The following PTPRD variants were observed in gnomAD, a reference collection of about 807,000 sequenced individuals.
The protein encoded by PTPRD is receptor-type tyrosine-protein phosphatase delta.
PTPRD carries 34 observed loss-of-function variants against 214.5 expected under a neutral mutation model. The observed-to-expected ratio is 0.16, with a 90% confidence interval of 0.12 to 0.21. The LOEUF is 0.21. PTPRD is among the 10% of genes least tolerant of loss of function. The probability of loss-of-function intolerance (pLI) is 1.00; values close to 1 mark genes in which losing one functional copy is unlikely to be tolerated. For missense variants in PTPRD, 2,545 were observed against 2,398.7 expected, an observed-to-expected ratio of 1.06 and a Z score of -1.27; for synonymous variants, 1,128 against 845.7, an observed-to-expected ratio of 1.33 and a Z score of -5.79.
chr9:10,573,991 G>A (rs1411539707), intron 2 of PTPRD, among the ~76,000 whole-genome samples: 2 of 152,124 alleles, frequency 1.3e-5, no homozygotes, highest in Non-Finnish European at 2.9e-5. Context: ...GGATGGAAGT[G>A]GATAGGCATG....
chr9:8,934,802 G>A (rs752780191), intron 11 of PTPRD, among the ~76,000 whole-genome samples: 6 of 151,362 alleles, frequency 4.0e-5, no homozygotes, highest in South Asian at 2.1e-4. Context: ...AACCACCATC[G>A]TACTCTCTGC....
chr9:10,373,925 C>A (rs2097678982), intron 2 of PTPRD, among the ~76,000 whole-genome samples: 3 of 151,966 alleles, frequency 2.0e-5, no homozygotes, highest in Admixed American at 1.3e-4. Flanking sequence ...CATCATGTTC[C>A]TTTAGGTTGT....
intron 39 of PTPRD, among the ~76,000 whole-genome samples, chr9:8,360,210 C>A (rs930601381): frequency 6.6e-6 from 1 of 152,066 alleles, no homozygotes; most frequent in Non-Finnish European, 1.5e-5. Flanking sequence ...AATAAAGTAC[C>A]ATTGAATTAG....
At position 9,608,202 on chromosome 9, in the gene PTPRD, T is replaced by G. The variant is rs189140706; in HGVS notation, c.-286-33421A>C. 2.0e-5 allele frequency among the ~76,000 whole-genome samples: 3 copies of G among 152,308 alleles called. No individual in the cohort carries two copies. In the East Asian group the frequency reaches 5.8e-4, roughly 29 times the overall value. Reference sequence around the variant, plus strand: ...ACCTCATATGAGGTACACAATATAATTCCTGACATGGTGCTTTCAAGAGTC... The same window carrying G: ...ACCTCATATGAGGTACACAATATAAGTCCTGACATGGTGCTTTCAAGAGTC... On this transcript the variant is annotated intron_variant, in intron 7 of 45. Coordinates refer to ENST00000381196, the MANE Select transcript of PTPRD (RefSeq NM_002839.4).
chr9:9,017,387 C>G (rs1430157931), intron 11 of PTPRD, among the ~76,000 whole-genome samples: 1 of 152,080 alleles, frequency 6.6e-6, no homozygotes, highest in East Asian at 1.9e-4. Context: ...TTAATCTTTC[C>G]TTTGCCAGCA....
intron 11 of PTPRD, among the ~76,000 whole-genome samples, chr9:8,992,459 G>T (rs2099377321): frequency 6.6e-6 from 1 of 152,088 alleles, no homozygotes; most frequent in African/African-American, 2.4e-5. Context: ...CCAGCAGGAT[G>T]GTTGCTCAGA....
At chr9:9,223,931 T>G (rs1324549488) in intron 9 of PTPRD, among the ~76,000 whole-genome samples, 1 of 152,016 alleles carries the variant, frequency 6.6e-6, no homozygotes, top group East Asian at 1.9e-4. Flanking sequence ...AAATGAATAT[T>G]TTGAATTCAG....
intron 4 of PTPRD, among the ~76,000 whole-genome samples, chr9:10,006,282 C>G (rs2096474119): frequency 1.3e-5 from 2 of 152,094 alleles, no homozygotes; most frequent in South Asian, 4.1e-4. Flanking sequence ...TGATACAAGC[C>G]TTTGACAATG....
intron 12 of PTPRD, among the ~76,000 whole-genome samples, chr9:8,711,370 T>C (rs1003297171): frequency 6.6e-6 from 1 of 152,140 alleles, no homozygotes; most frequent in African/African-American, 2.4e-5. Flanking sequence ...ATTTCTATCA[T>C]GACTACTTAA....
At chr9:9,718,052 C>T (rs529526762) in intron 7 of PTPRD, among the ~76,000 whole-genome samples, 37 of 152,228 alleles carry the variant, frequency 2.4e-4, no homozygotes, top group African/African-American at 6.0e-4. Context: ...TGCTGTTAAA[C>T]GATGCTAACT....
At chr9:9,242,134 G>T (rs567603273) in intron 9 of PTPRD, among the ~76,000 whole-genome samples, 12 of 152,038 alleles carry the variant, frequency 7.9e-5, no homozygotes, top group African/African-American at 2.9e-4. Context: ...GAAATTCTGG[G>T]TTGAAAATTC....
At chr9:9,727,013 T>C (rs1025504546) in intron 7 of PTPRD, among the ~76,000 whole-genome samples, 4 of 152,188 alleles carry the variant, frequency 2.6e-5, no homozygotes, top group African/African-American at 4.8e-5. Context: ...ATAGTATTTA[T>C]ATTTTGGTGA....
chr9:10,387,167 T>C (rs896814810), intron 2 of PTPRD, among the ~76,000 whole-genome samples: 3 of 151,848 alleles, frequency 2.0e-5, no homozygotes, highest in Admixed American at 6.6e-5. Context: ...GCTCACCAAA[T>C]GTAAGGTAAT....
intron 39 of PTPRD, among the ~76,000 whole-genome samples, chr9:8,352,271 T>G (rs1489072949): frequency 6.6e-6 from 1 of 152,102 alleles, no homozygotes; most frequent in African/African-American, 2.4e-5. Flanking sequence ...CAGGTCTCAT[T>G]TTACAGATGG....
intron 12 of PTPRD, among the ~76,000 whole-genome samples, chr9:8,730,801 A>G (rs2154432277): frequency 6.6e-6 from 1 of 152,302 alleles, no homozygotes; most frequent in East Asian, 1.9e-4. Context: ...CTAAACCACA[A>G]AACTGGTTGG....
intron 2 of PTPRD, among the ~76,000 whole-genome samples, chr9:10,419,073 C>A (rs1587793853): frequency 1.3e-5 from 2 of 151,844 alleles, no homozygotes; most frequent in East Asian, 3.9e-4. Context: ...GTACTCTTAG[C>A]CCCACCTACA....
At chr9:10,110,567 A>G (rs1484161983) in intron 3 of PTPRD, among the ~76,000 whole-genome samples, 10 of 152,186 alleles carry the variant, frequency 6.6e-5, no homozygotes, top group Non-Finnish European at 1.3e-4. Context: ...AACATGAGAA[A>G]GTTTGGTTGC....
At chr9:8,462,142 T>C (rs1000262194) in intron 32 of PTPRD, among the ~76,000 whole-genome samples, 2 of 152,050 alleles carry the variant, frequency 1.3e-5, no homozygotes, top group Non-Finnish European at 2.9e-5. Context: ...ACATATATGT[T>C]CAAATTAGTA....
chr9:10,329,046 T>G (rs1565328598), intron 3 of PTPRD, among the ~76,000 whole-genome samples: 1 of 151,768 alleles, frequency 6.6e-6, no homozygotes, highest in Non-Finnish European at 1.5e-5. Context: ...TCACTACTAT[T>G]TTCCAAATAA....
Sources: gnomAD v4.1 joint callset for allele counts (sites outside exome capture counted in the v4.1 genomes callset) on GRCh38, gnomAD v4.1.1 for gene constraint, MANE v1.5 for transcripts, NCBI Gene and HGNC (gene_info 2026-07-23, HGNC 2026-07-21) for gene names.